LRMDA: variants seen among roughly 807,000 people sequenced by gnomAD.
The protein encoded by LRMDA is leucine-rich melanocyte differentiation-associated protein.
LRMDA carries 18 observed loss-of-function variants against 29.8 expected under a neutral mutation model. The ratio of observed to expected loss-of-function variants is 0.60; its 90% CI spans 0.42 to 0.90. The LOEUF is 0.90. Ranked by LOEUF, LRMDA falls within the 40% of genes least tolerant of loss-of-function variation. The pLI is 0.00. For missense variants in LRMDA, 273 were observed against 273.9 expected (o/e 1.00, Z 0.02); for synonymous variants, 125 against 109.4 (o/e 1.14, Z -0.89).
At chr10:76,547,832 C>T (rs1015192015) in intron 6 of LRMDA, among the ~76,000 whole-genome samples, 2 of 152,050 alleles carry the variant, frequency 1.3e-5, no homozygotes, top group Admixed American at 1.3e-4. Context: ...GATTCGCATC[C>T]CATCTCGGCA....
intron 5 of LRMDA, among the ~76,000 whole-genome samples, chr10:76,158,123 G>T (rs1282782078): frequency 2.0e-5 from 3 of 151,976 alleles, no homozygotes; most frequent in African/African-American, 7.2e-5. Flanking sequence ...TTCTATGATG[G>T]CCTCAGAGCC....
intron 5 of LRMDA, among the ~76,000 whole-genome samples, chr10:76,110,769 C>A (rs11818116): frequency 2.6e-4 from 39 of 152,324 alleles, no homozygotes; most frequent in African/African-American, 9.4e-4. Context: ...CCTCCCCAGC[C>A]ATGTGGAACT....
intron 5 of LRMDA, among the ~76,000 whole-genome samples, chr10:76,232,210 A>G (rs1852071280): frequency 1.3e-5 from 2 of 152,252 alleles, no homozygotes; most frequent in African/African-American, 4.8e-5. Flanking sequence ...TATTACAAAC[A>G]TAACAATAAT....
At chr10:75,811,211 G>A (rs1843953822) in intron 2 of LRMDA, among the ~76,000 whole-genome samples, 1 of 152,152 alleles carries the variant, frequency 6.6e-6, no homozygotes, top group African/African-American at 2.4e-5. Flanking sequence ...AGCAACCATA[G>A]ATGGAATTTA....
intron 5 of LRMDA, among the ~76,000 whole-genome samples, chr10:76,079,422 AG>A (rs934948539): frequency 6.6e-6 from 1 of 152,134 alleles, no homozygotes; most frequent in African/African-American, 2.4e-5. Context: ...TGGGCTCCTC[AG>A]GGAAAACACA....
In LRMDA at chr10:76,491,506, T is replaced by C. The variant is rs1325461888; in HGVS notation, c.602-65703T>C. Among the ~76,000 whole-genome samples, 4 of 152,054 alleles carry C rather than the reference T, an allele frequency of 2.6e-5. No individual in the cohort carries two copies. The East Asian group carries it at 5.8e-4, about 22-fold the overall frequency. On this transcript the variant is annotated intron_variant, in intron 6 of 6. Transcript: ENST00000611255. The stretch of plus-strand genomic sequence containing the variant: ...CTTTAAATTAATGTTATGCCACTCT[T>C]TCCTGACCTGTAAAGGTTTCCTCTG...
intron 5 of LRMDA, among the ~76,000 whole-genome samples, chr10:76,211,421 T>C (rs1317968237): frequency 6.6e-6 from 1 of 152,218 alleles, no homozygotes; most frequent in Non-Finnish European, 1.5e-5. Context: ...CCACTCTGCC[T>C]TAGACTGGAC....
intron 6 of LRMDA, among the ~76,000 whole-genome samples, chr10:76,494,567 C>T (rs927548051): frequency 1.3e-5 from 2 of 151,666 alleles, no homozygotes; most frequent in African/African-American, 4.8e-5. Flanking sequence ...TCAAGGCCAA[C>T]TTTGGTTTCA....
At chr10:75,807,518 A>T (rs1159621684) in intron 2 of LRMDA, among the ~76,000 whole-genome samples, 1 of 152,206 alleles carries the variant, frequency 6.6e-6, no homozygotes, top group African/African-American at 2.4e-5. Context: ...TGCATCTCAA[A>T]TGTGTGTAAA....
intron 2 of LRMDA, among the ~76,000 whole-genome samples, chr10:75,547,823 G>C (rs920698666): frequency 6.6e-6 from 1 of 152,124 alleles, no homozygotes; most frequent in African/African-American, 2.4e-5. Flanking sequence ...ATAGAAACCT[G>C]GTCTGTGATC....
chr10:75,558,319 C>T (rs1367119689), intron 2 of LRMDA, among the ~76,000 whole-genome samples: 1 of 151,972 alleles, frequency 6.6e-6, no homozygotes, highest in Non-Finnish European at 1.5e-5. Context: ...AATGCTATTT[C>T]CAAGCACTTT....
intron 2 of LRMDA, among the ~76,000 whole-genome samples, chr10:75,612,620 T>C (rs1841046289): frequency 6.7e-6 from 1 of 148,590 alleles, no homozygotes; most frequent in Admixed American, 6.7e-5. Context: ...TGCTTATTTA[T>C]TTACTTATTT....
intron 2 of LRMDA, among the ~76,000 whole-genome samples, chr10:75,966,391 G>A (rs1846859992): frequency 1.3e-5 from 2 of 152,086 alleles, no homozygotes; most frequent in South Asian, 2.1e-4. Context: ...AGGATTCAAC[G>A]AACCCATACG....
chr10:76,243,104 C>T (rs1273497444), intron 5 of LRMDA, among the ~76,000 whole-genome samples: 2 of 152,168 alleles, frequency 1.3e-5, no homozygotes, highest in East Asian at 3.9e-4. Flanking sequence ...AACTTCCCAG[C>T]CAAGCTCATG....
chr10:75,845,035 T>C (rs1340089220), intron 2 of LRMDA, among the ~76,000 whole-genome samples: 1 of 152,228 alleles, frequency 6.6e-6, no homozygotes, highest in Non-Finnish European at 1.5e-5. Flanking sequence ...AATTATATCA[T>C]TCATGTTAGG....
At chr10:76,251,644 G>A (rs1322698071) in intron 5 of LRMDA, among the ~76,000 whole-genome samples, 2 of 152,186 alleles carry the variant, frequency 1.3e-5, no homozygotes, top group Non-Finnish European at 2.9e-5. Context: ...CTGTCCTCCA[G>A]AGCCATTTCC....
chr10:76,023,529 C>T (rs893365364), intron 2 of LRMDA, among the ~76,000 whole-genome samples: 3 of 152,084 alleles, frequency 2.0e-5, no homozygotes, highest in African/African-American at 2.4e-5. Context: ...TAAAACTTTG[C>T]GAGTTTTCAT....
intron 2 of LRMDA, among the ~76,000 whole-genome samples, chr10:75,763,446 G>A (rs1036455485): frequency 7.2e-5 from 11 of 152,052 alleles, no homozygotes; most frequent in African/African-American, 2.4e-4. Context: ...TGATGGTTTG[G>A]GTTCTTTGGA....
intron 5 of LRMDA, among the ~76,000 whole-genome samples, chr10:76,071,999 G>A (rs1208706532): frequency 2.0e-5 from 3 of 152,128 alleles, no homozygotes; most frequent in Non-Finnish European, 4.4e-5. Flanking sequence ...ACTCCAAAAT[G>A]CTAACCAATA....
Sources: allele counts gnomAD v4.1 joint callset (sites outside exome capture counted in the v4.1 genomes callset), GRCh38; gene constraint gnomAD v4.1.1; transcripts MANE v1.5; gene names NCBI Gene and HGNC (gene_info 2026-07-23, HGNC 2026-07-21).